The following TMCO4 variants were observed in gnomAD, a reference collection of about 807,000 sequenced individuals.
The protein encoded by TMCO4 is transmembrane and coiled-coil domains 4.
A neutral mutation model predicts 64.7 loss-of-function variants in TMCO4; 58 were observed. The ratio of observed to expected loss-of-function variants is 0.90; its 90% CI spans 0.73 to 1.12. TMCO4 has a LOEUF of 1.12. Ranked by LOEUF, TMCO4 falls within the 50% of genes most tolerant of loss-of-function variation. TMCO4 has a pLI of 0.00. For synonymous variants in TMCO4, 325 were observed against 346.1 expected (o/e 0.94, Z 0.68); for missense variants, 780 against 825.9 (o/e 0.94, Z 0.68).
chr1:19,712,735 A>G (rs1020939714), intron 13 of TMCO4, among the ~76,000 whole-genome samples: 1 of 152,240 alleles, frequency 6.6e-6, no homozygotes, highest in Non-Finnish European at 1.5e-5. Flanking sequence ...ATATTGCAAG[A>G]ATTATCAAAA....
At position 19,733,047 on chromosome 1, in the gene TMCO4, C is replaced by T. The variant is rs556414766; in HGVS notation, c.1264+4325G>A. 3.3e-5 allele frequency among the ~76,000 whole-genome samples: 5 copies of T among 152,244 alleles called. No individual in the cohort carries two copies. The South Asian group carries it at 1.0e-3, about 32-fold the overall frequency. The stretch of plus-strand genomic sequence containing the variant: ...TTGGGAGGCCGAGGTGGGTGGATCA[C>T]TTGAGGTCGGGAGTTTGGGACCAGC... On this transcript the variant is annotated intron_variant, in intron 13 of 15. Coordinates refer to ENST00000294543, the MANE Select transcript of TMCO4 (RefSeq NM_181719.7).
At chr1:19,767,114 T>C (rs2042771441) in intron 6 of TMCO4, among the ~76,000 whole-genome samples, 1 of 152,244 alleles carries the variant, frequency 6.6e-6, no homozygotes. Context: ...TTCAATTCCC[T>C]AATTCCTGAG....
chr1:19,684,566 C>A (rs774036943), intron 15 of TMCO4, among the ~76,000 whole-genome samples: 1 of 152,138 alleles, frequency 6.6e-6, no homozygotes, highest in Non-Finnish European at 1.5e-5. Context: ...GTAGTTTCAC[C>A]AGAGGTTGGC....
chr1:19,716,381 C>CTTTTTTTTTTTTTTTTTTTTTTTTTTT (rs1262772167), intron 13 of TMCO4, among the ~76,000 whole-genome samples: 1 of 124,474 alleles, frequency 8.0e-6, no homozygotes, highest in East Asian at 2.3e-4. Context: ...TTTTTTCTTT[C>CTTTTTTTTTTTTTTTTTTTTTTTTTTT]TTTTTTTTTT....
chr1:19,700,104 T>G (rs2095261736), intron 14 of TMCO4, among the ~76,000 whole-genome samples: 1 of 152,180 alleles, frequency 6.6e-6, no homozygotes, highest in Non-Finnish European at 1.5e-5. Flanking sequence ...GTTTTGGGTT[T>G]AATCTTCCCT....
At chr1:19,709,249 G>C (rs987086133) in intron 13 of TMCO4, among the ~76,000 whole-genome samples, 1 of 151,510 alleles carries the variant, frequency 6.6e-6, no homozygotes, top group Non-Finnish European at 1.5e-5. Flanking sequence ...CTTTTATTTG[G>C]TCATGCAAAG....
intron 13 of TMCO4, among the ~76,000 whole-genome samples, chr1:19,726,057 T>C (rs2095407535): frequency 6.6e-6 from 1 of 152,212 alleles, no homozygotes; most frequent in African/African-American, 2.4e-5. Flanking sequence ...TCCTAACATG[T>C]ACTGGGCACC....
intron 6 of TMCO4, among the ~76,000 whole-genome samples, chr1:19,763,815 C>T (rs908421288): frequency 6.6e-6 from 1 of 152,208 alleles, no homozygotes; most frequent in African/African-American, 2.4e-5. Flanking sequence ...CAGTACCATA[C>T]ACCCTGTCCA....
chr1:19,689,248 CCT>C (rs1401406245), intron 15 of TMCO4, among the ~76,000 whole-genome samples: 6 of 152,184 alleles, frequency 3.9e-5, no homozygotes, highest in Non-Finnish European at 8.8e-5. Context: ...GTGCTAATTA[CCT>C]CTAATTACCC....
chr1:19,755,730 T>C lies in TMCO4; in HGVS notation c.419A>G (p.His140Arg). The C allele has an allele frequency of 1.2e-6, 2 of 1,614,130 alleles. No individual in the cohort carries two copies. The highest frequency in any genetic ancestry group is 1.7e-6 in the Non-Finnish European group (2 of 1,180,020). Residue 140 changes from histidine to arginine, a missense_variant, in exon 7 of 16, where the codon CAC (histidine) becomes CGC (arginine). By Grantham distance (29) the His-to-Arg change is conservative. Coordinates refer to ENST00000294543, the MANE Select transcript of TMCO4 (RefSeq NM_181719.7). ...YDARARVLVCHMTSLLQVPLE... is the reference protein window; with the variant it reads ...YDARARVLVCRMTSLLQVPLE... ...GGGCACTTGGAGCAGGGAGGTCATG[T>C]GGCAAACGAGGACTCTGGCCCGGGC...
At chr1:19,770,470 C>T in intron 6 of TMCO4, 72 bp downstream of exon 6, 1 of 1,579,200 alleles carries the variant, frequency 6.3e-7, no homozygotes, top group Non-Finnish European at 8.7e-7. Context: ...GTGGTGGCAC[C>T]TCTCACTGGC....
intron 13 of TMCO4, among the ~76,000 whole-genome samples, chr1:19,718,650 C>CAAA (rs754998314): frequency 2.5e-4 from 16 of 63,314 alleles, no homozygotes; most frequent in South Asian, 1.4e-3. Context: ...GACCGTCTCT[C>CAAA]AAAAAAAAAA....
intron 4 of TMCO4, among the ~76,000 whole-genome samples, chr1:19,774,240 C>G (rs2281241): frequency 6.6e-6 from 1 of 152,138 alleles, no homozygotes; most frequent in African/African-American, 2.4e-5. Flanking sequence ...CCAAGGACTA[C>G]AGCATGGCCT....
chr1:19,726,387 C>T (rs1344878190), intron 13 of TMCO4, among the ~76,000 whole-genome samples: 3 of 151,984 alleles, frequency 2.0e-5, no homozygotes, highest in South Asian at 2.1e-4. Flanking sequence ...GAGCTTAAAC[C>T]TGGGAGGTGG....
chr1:19,790,350 G>A (rs1477605156), intron 2 of TMCO4, among the ~76,000 whole-genome samples: 1 of 152,122 alleles, frequency 6.6e-6, no homozygotes, highest in African/African-American at 2.4e-5. Context: ...CTTCTGCACA[G>A]CAAAAGAAAC....
intron 13 of TMCO4, among the ~76,000 whole-genome samples, chr1:19,717,720 C>A (rs887169065): frequency 6.6e-6 from 1 of 152,154 alleles, no homozygotes; most frequent in Non-Finnish European, 1.5e-5. Context: ...AAAGCCTGCC[C>A]TCTCCTCCCT....
intron 13 of TMCO4, among the ~76,000 whole-genome samples, chr1:19,709,289 G>T (rs375235372): frequency 2.8e-4 from 40 of 144,232 alleles, no homozygotes; most frequent in Admixed American, 1.4e-3. Context: ...ATCCCGGCGG[G>T]GGGGGGGGAC....
In TMCO4 at chr1:19,702,248, C is replaced by T. The variant is rs375926022; in HGVS notation, c.1265-1363G>A. Among the ~76,000 whole-genome samples, 736 of 139,194 alleles carry T rather than the reference C, an allele frequency of 5.3e-3. 10 individuals carry two copies. The highest frequency in any genetic ancestry group is 0.019 in the African/African-American group (713 of 36,722). The allele number at this position is 139,194 out of a possible 152,430, so 91.3% of individuals were successfully genotyped here. A position where few individuals can be genotyped will look rare whatever the true frequency, so the allele number is the denominator to read the frequency against. ...CCTCCCAAAGTGCTGGGATTACAGG[C>T]GTGAGCCACCGTGCCTGGCCGAGAC... On this transcript the variant is annotated intron_variant, in intron 13 of 15. Transcript: ENST00000294543.
At position 19,746,464 on chromosome 1, in the gene TMCO4, C is replaced by A; in HGVS notation, c.749G>T (p.Gly250Val). The A allele has an allele frequency of 1.2e-6, 2 of 1,613,280 alleles. No homozygotes were observed. The highest frequency in any genetic ancestry group is 1.7e-6 in the Non-Finnish European group (2 of 1,179,656). ...TTCCTTTTGAACCTTACCTGTCAGG[C>A]CAGCTCCAGCTGCACCAAACAGCGA... ...MTSLFGAAGA[G>V]LTGYKMKKRV... The change falls in exon 9 of 16, where the codon GGC (glycine) becomes GTC (valine). Residue 250 changes from glycine to valine, a missense_variant. Gly to Val is a moderately radical substitution (Grantham distance 109). Transcript: ENST00000294543.
Sources: gnomAD v4.1 joint callset for allele counts (sites outside exome capture counted in the v4.1 genomes callset) on GRCh38, gnomAD v4.1.1 for gene constraint, MANE v1.5 for transcripts, NCBI Gene and HGNC (gene_info 2026-07-23, HGNC 2026-07-21) for gene names.